Variants in PEAK1 observed in about 807,000 individuals in gnomAD.
PEAK1 encodes the protein inactive tyrosine-protein kinase PEAK1.
Under a neutral mutation model 124.7 loss-of-function variants are expected in PEAK1, and 54 were observed. That is an observed-to-expected ratio of 0.43 (90% CI 0.35 to 0.54). The LOEUF is 0.54. Ranked by LOEUF, PEAK1 falls within the 20% of genes least tolerant of loss-of-function variation. PEAK1 has a pLI of 0.01. For synonymous variants in PEAK1, 719 were observed against 760.0 expected (o/e 0.95, Z 0.89); for missense variants, 2,046 against 2,134.5 (o/e 0.96, Z 0.82).
At chr15:77,334,023 G>A in intron 2 of PEAK1, 5 of 553,738 alleles carry the variant, frequency 9.0e-6, no homozygotes, top group Non-Finnish European at 1.1e-5. Context: ...ACTGAGTCCT[G>A]CTTATTAGAA....
At chr15:77,285,292 C>A (rs759223948) in intron 3 of PEAK1, among the ~76,000 whole-genome samples, 5 of 152,150 alleles carry the variant, frequency 3.3e-5, no homozygotes, top group Non-Finnish European at 5.9e-5. Context: ...TAGTGTCTAG[C>A]ACATAGTAAG....
At chr15:77,120,322 C>A (rs1263064661) in intron 9 of PEAK1, among the ~76,000 whole-genome samples, 1 of 152,180 alleles carries the variant, frequency 6.6e-6, no homozygotes, top group Non-Finnish European at 1.5e-5. Context: ...CTCATCTATA[C>A]AATGACCTAC....
intron 2 of PEAK1, among the ~76,000 whole-genome samples, chr15:77,355,341 T>C (rs2067453042): frequency 6.6e-6 from 1 of 152,150 alleles, no homozygotes; most frequent in Non-Finnish European, 1.5e-5. Context: ...TATACATACT[T>C]ATTATAAGTA....
Position 77,363,399 on chromosome 15 carries a change from T to G in PEAK1, c.-603+1764A>C, listed in dbSNP as rs559115654. The stretch of plus-strand genomic sequence containing the variant: ...ACTGAGGCCTTTCCTTAGGCAACTA[T>G]GGAGAGGCCTCCTCAACAGAGGGAA... On this transcript the variant is annotated intron_variant, in intron 2 of 9. Transcript: ENST00000682557. Among the ~76,000 whole-genome samples the G allele has an allele frequency of 1.2e-4, 18 of 152,330 alleles. No homozygotes were observed. In the South Asian group the frequency reaches 1.5e-3, roughly 12 times the overall value.
chr15:77,401,854 T>C, intron 1 of PEAK1: 1 of 985,100 alleles, frequency 1.0e-6, no homozygotes, highest in Non-Finnish European at 1.2e-6. Flanking sequence ...TGCTTTATTA[T>C]ATTTTCTATG....
At chr15:77,265,248 G>C (rs1052722122) in intron 5 of PEAK1, among the ~76,000 whole-genome samples, 39 of 152,256 alleles carry the variant, frequency 2.6e-4, no homozygotes, top group African/African-American at 7.0e-4. Flanking sequence ...AGCCAAAATT[G>C]ACAAATGGGA....
chr15:77,228,949 G>A (rs1320500553), intron 6 of PEAK1, among the ~76,000 whole-genome samples: 1 of 152,024 alleles, frequency 6.6e-6, no homozygotes, highest in Non-Finnish European at 1.5e-5. Flanking sequence ...TCTGCCATAG[G>A]GGACTCTTTA....
chr15:77,404,484 TTGCAATA>T, intron 1 of PEAK1: 1 of 456,544 alleles, frequency 2.2e-6, no homozygotes, highest in Non-Finnish European at 2.9e-6. Flanking sequence ...TGATGGCATG[TTGCAATA>T]TACAATTTAT....
intron 5 of PEAK1, among the ~76,000 whole-genome samples, chr15:77,265,621 G>C (rs1238477986): frequency 6.6e-6 from 1 of 151,974 alleles, no homozygotes; most frequent in South Asian, 2.1e-4. Flanking sequence ...TGCTGGAGAG[G>C]ATGTGGAGAA....
At chr15:77,354,864 C>T (rs927458028) in intron 2 of PEAK1, among the ~76,000 whole-genome samples, 3 of 151,948 alleles carry the variant, frequency 2.0e-5, no homozygotes, top group African/African-American at 7.3e-5. Flanking sequence ...ACGGTGAAAC[C>T]CTGTCTCTAC....
At chr15:77,200,382 T>A (rs2058306435) in intron 6 of PEAK1, among the ~76,000 whole-genome samples, 1 of 152,122 alleles carries the variant, frequency 6.6e-6, no homozygotes, top group Non-Finnish European at 1.5e-5. Context: ...GAGTCAAAAG[T>A]TATATGCAGA....
intron 6 of PEAK1, among the ~76,000 whole-genome samples, chr15:77,216,181 C>T (rs1326766755): frequency 2.0e-5 from 3 of 152,198 alleles, no homozygotes; most frequent in Non-Finnish European, 2.9e-5. Context: ...TGAAACAGTA[C>T]ACTGCTCCAT....
Position 77,264,144 on chromosome 15 carries a change from C to T in PEAK1, c.-274-11618G>A, listed in dbSNP as rs1317091454. On this transcript the variant is annotated intron_variant, in intron 5 of 9. Coordinates refer to ENST00000682557, the MANE Select transcript of PEAK1 (RefSeq NM_001385026.1). ...CTATCTGTGACAAACCCACAGCCAA[C>T]ATCATACTGAATGGGCAAAAACTGG... Among the ~76,000 whole-genome samples, 122 of 152,224 alleles carry T rather than the reference C, an allele frequency of 8.0e-4. No homozygotes were observed. The East Asian group carries it at 0.015, about 19-fold the overall frequency.
chr15:77,276,911 T>A (rs776651878), intron 5 of PEAK1, among the ~76,000 whole-genome samples: 17 of 152,144 alleles, frequency 1.1e-4, no homozygotes, highest in Non-Finnish European at 2.2e-4. Context: ...GAGCAAAAGT[T>A]TCTATACTTT....
chr15:77,236,626 G>C (rs1279198905), intron 6 of PEAK1, among the ~76,000 whole-genome samples: 2 of 152,174 alleles, frequency 1.3e-5, no homozygotes, highest in Non-Finnish European at 2.9e-5. Context: ...AGTTAAGACT[G>C]GGGGACTGTT....
At chr15:77,263,753 T>C (rs2061565331) in intron 5 of PEAK1, among the ~76,000 whole-genome samples, 1 of 152,186 alleles carries the variant, frequency 6.6e-6, no homozygotes. Flanking sequence ...TAACTCATTT[T>C]ATGAGGCCAG....
chr15:77,174,524 A>C (rs1365913111), intron 7 of PEAK1, among the ~76,000 whole-genome samples: 1 of 152,220 alleles, frequency 6.6e-6, no homozygotes, highest in Admixed American at 6.5e-5. Flanking sequence ...TTATTGAAAA[A>C]GCAAATGGTA....
intron 6 of PEAK1, among the ~76,000 whole-genome samples, chr15:77,238,362 T>C (rs2152906533): frequency 6.6e-6 from 1 of 152,248 alleles, no homozygotes; most frequent in East Asian, 1.9e-4. Flanking sequence ...TTTCTTCCTG[T>C]TTGTCCTTTC....
At chr15:77,105,616 T>C (rs1016531657), downstream of PEAK1, 4 of 152,222 alleles carry the variant, frequency 2.6e-5, 1 homozygote, top group Admixed American at 2.6e-4. Flanking sequence ...AATGAAGTTC[T>C]TTCCCTTGTA....
Sources: allele counts gnomAD v4.1 joint callset (sites outside exome capture counted in the v4.1 genomes callset), GRCh38; gene constraint gnomAD v4.1.1; transcripts MANE v1.5; gene names NCBI Gene and HGNC (gene_info 2026-07-23, HGNC 2026-07-21).